Variants in MIB1 observed in about 807,000 individuals in gnomAD.
MIB1 encodes E3 ubiquitin-protein ligase MIB1.
In MIB1, 278 loss-of-function variants were observed where a neutral mutation model predicts 124.5. The ratio of observed to expected loss-of-function variants is 2.23; its 90% confidence interval spans 2.02 to 2.47. The LOEUF is 2.47. Ranked by LOEUF, MIB1 falls within the 30% of genes most tolerant of loss-of-function variation. The probability of loss-of-function intolerance (pLI) is 0.00; values close to 1 mark genes in which losing one functional copy is unlikely to be tolerated. For missense variants in MIB1, 957 were observed against 1,254.4 expected (o/e 0.76, Z 3.58); for synonymous variants, 446 against 429.4 (o/e 1.04, Z -0.48).
intron 1 of MIB1, among the ~76,000 whole-genome samples, chr18:21,754,303 A>AC (rs2041006954): frequency 6.6e-6 from 1 of 152,230 alleles, no homozygotes; most frequent in Non-Finnish European, 1.5e-5. Context: ...CCTGAGGTCA[A>AC]CCATGGTCTG....
Position 21,741,676 on chromosome 18 carries a change from C to T in MIB1, c.93C>T (p.Gly31=). ...ACTGGAAGTGGGGGAAGCAGGACGG[C>T]GGCGAGGGCCATGTGGGCACCGTCC... The part of the protein sequence containing the change: ...GPDWKWGKQD[G]GEGHVGTVRS... The change falls in exon 1 of 21, where the codon GGC becomes GGT. Residue 31 remains glycine, a synonymous_variant. Transcript: ENST00000261537. The surrounding 1 kb of genome is among the most constrained non-coding windows in gnomAD (Gnocchi z 5.4). The T allele has an allele frequency of 6.2e-7, 1 of 1,610,950 alleles. No homozygotes were observed. Among genetic ancestry groups the T allele is most frequent in the Non-Finnish European group, 8.5e-7 (1 of 1,179,226 alleles).
chr18:21,780,759 T>G (rs2041351810), intron 6 of MIB1, among the ~76,000 whole-genome samples: 1 of 152,188 alleles, frequency 6.6e-6, no homozygotes, highest in South Asian at 2.1e-4. Context: ...ACATTTTCTT[T>G]ATCCTTTCAA....
intron 13 of MIB1, among the ~76,000 whole-genome samples, chr18:21,841,566 A>G (rs999533376): frequency 5.3e-5 from 8 of 152,196 alleles, no homozygotes; most frequent in Non-Finnish European, 1.2e-4. Flanking sequence ...TAAAAGACCA[A>G]TAAAACCAAG....
At chr18:21,838,281 G>C (rs1208205147) in intron 12 of MIB1, 84 bp from the exon 13 acceptor site, 7 of 858,476 alleles carry the variant, frequency 8.2e-6, no homozygotes, top group Non-Finnish European at 1.2e-5. Context: ...TCTTTAAAGA[G>C]GAGTATCTTC....
rs561744446 is a variant in MIB1, at chr18:21,870,218, A to G, written c.*5552A>G. 6.6e-6 allele frequency: 1 copy of G among 152,568 alleles called. No homozygotes were observed. The highest frequency in any genetic ancestry group is 1.5e-5 in the Non-Finnish European group (1 of 67,992). The allele number at this position is 152,568 out of a possible 1,614,324, so 9.5% of individuals were successfully genotyped here. ...TGGAGAATTATTCTTTTATAGTAGTATACATGAATTTTGATTTTTAAAGCA... is the reference window on the plus strand; with the variant it reads ...TGGAGAATTATTCTTTTATAGTAGTGTACATGAATTTTGATTTTTAAAGCA... On this transcript the variant is annotated 3_prime_UTR_variant, in exon 21 of 21. Transcript: ENST00000261537.
intron 12 of MIB1, among the ~76,000 whole-genome samples, chr18:21,835,840 A>ACACACACACAAACAC (rs1555695330): frequency 0.19 from 20,880 of 107,758 alleles, 2,676 homozygotes; most frequent in South Asian, 0.28. Flanking sequence ...CACACACACA[A>ACACACACACAAACAC]ACACACACGA....
intron 12 of MIB1, chr18:21,827,931 G>C (rs2041940813): frequency 6.6e-6 from 1 of 151,814 alleles, no homozygotes; most frequent in African/African-American, 2.4e-5. Flanking sequence ...AATACTTTTA[G>C]TAAGAAATGG....
rs2042236599 is a variant in MIB1 at position 21,857,154 on chromosome 18, G to A, written c.2690G>A (p.Cys897Tyr). ...CENCANLMKK[C>Y]VQCRAVVERR... ...GACTGTGCTAACCTGATGAAAAAGT[G>A]TGTGCAGTGTCGAGCAGTAGTTGAA... is the stretch of plus-strand genomic sequence containing the variant. Residue 897 changes from cysteine to tyrosine, a missense_variant, in exon 19 of 21, where the codon TGT becomes TAT. Cys to Tyr is a radical substitution (Grantham distance 194). Transcript: ENST00000261537. 2 of 1,614,126 alleles carry A rather than the reference G, an allele frequency of 1.2e-6. No individual in the cohort carries two copies. The highest frequency in any genetic ancestry group is 1.7e-6 in the Non-Finnish European group (2 of 1,179,968).
intron 7 of MIB1, among the ~76,000 whole-genome samples, chr18:21,795,598 A>G (rs993215185): frequency 3.3e-5 from 5 of 151,636 alleles, no homozygotes; most frequent in Non-Finnish European, 7.4e-5. Flanking sequence ...TCACATACAT[A>G]TTTAATACAA....
chr18:21,800,226 A>T (rs541703273), intron 9 of MIB1, among the ~76,000 whole-genome samples: 1 of 151,980 alleles, frequency 6.6e-6, no homozygotes, highest in Admixed American at 6.6e-5. Context: ...AAAGACTAGT[A>T]TCCTTTTGGG....
At chr18:21,863,111 A>T (rs945844783) in intron 20 of MIB1, among the ~76,000 whole-genome samples, 1 of 152,278 alleles carries the variant, frequency 6.6e-6, no homozygotes, top group South Asian at 2.1e-4. Context: ...CACTGTGCTC[A>T]ACTGTTTGCG....
chr18:21,836,863 A>G (rs2042038123), intron 12 of MIB1, among the ~76,000 whole-genome samples: 1 of 152,180 alleles, frequency 6.6e-6, no homozygotes, highest in African/African-American at 2.4e-5. Flanking sequence ...CAGTAGTATA[A>G]TGTCGTACCA....
rs765545564 is a variant in MIB1, at chr18:21,779,652, A to G, written c.875A>G (p.His292Arg). 16 of 1,614,162 alleles carry G rather than the reference A, an allele frequency of 9.9e-6. No individual in the cohort carries two copies. The South Asian group carries it at 1.6e-4, about 17-fold the overall frequency. Reference protein sequence around the residue: ...TGTVCGIDEDHDIVVQYPSGN... With the variant: ...TGTVCGIDEDRDIVVQYPSGN... ...ACTGTTTGTGGCATTGATGAAGATC[A>G]TGACATTGTAGTACAGTATCCAAGT... The change falls in exon 6 of 21, where the codon CAT becomes CGT. Residue 292 changes from histidine (H) to arginine (R), a missense_variant. His to Arg is a conservative substitution (Grantham distance 29, BLOSUM62 0). Coordinates refer to ENST00000261537, the MANE Select transcript of MIB1 (RefSeq NM_020774.4).
chr18:21,787,393 A>G (rs1014205768), intron 6 of MIB1, among the ~76,000 whole-genome samples: 2 of 152,226 alleles, frequency 1.3e-5, no homozygotes, highest in South Asian at 4.1e-4. Flanking sequence ...CAGAGTTTCA[A>G]GGGCTAGGTT....
chr18:21,821,042 T>C (rs1180563801), intron 12 of MIB1, among the ~76,000 whole-genome samples: 1 of 152,164 alleles, frequency 6.6e-6, no homozygotes, highest in Non-Finnish European at 1.5e-5. Context: ...AATTCTTAGC[T>C]TCCAACTAGT....
At chr18:21,834,321 G>T (rs1293878301) in intron 12 of MIB1, among the ~76,000 whole-genome samples, 1 of 151,866 alleles carries the variant, frequency 6.6e-6, no homozygotes, top group Non-Finnish European at 1.5e-5. Flanking sequence ...TTTTTGAGGG[G>T]GTTGGCAATT....
chr18:21,729,867 A>G (rs2040760100), intron 1 of MIB1, among the ~76,000 whole-genome samples: 1 of 152,178 alleles, frequency 6.6e-6, no homozygotes, highest in South Asian at 2.1e-4. Context: ...TCTTAATACT[A>G]TCACATTGGA....
chr18:21,781,408 TATATATAA>T (rs2041365294), intron 6 of MIB1, among the ~76,000 whole-genome samples: 2 of 116,944 alleles, frequency 1.7e-5, no homozygotes, highest in African/African-American at 3.6e-5. Flanking sequence ...TATATATATA[TATATATAA>T]AATTATTATT....
intron 1 of MIB1, among the ~76,000 whole-genome samples, chr18:21,730,766 C>T (rs888048018): frequency 2.0e-5 from 3 of 152,186 alleles, no homozygotes; most frequent in African/African-American, 7.2e-5. Context: ...TTATATAATG[C>T]AACTAAATTG....
Sources: allele counts gnomAD v4.1 joint callset (sites outside exome capture counted in the v4.1 genomes callset), GRCh38; gene constraint gnomAD v4.1.1; non-coding constraint Gnocchi (gnomAD v3.1); transcripts MANE v1.5; gene names NCBI Gene and HGNC (gene_info 2026-07-23, HGNC 2026-07-21).